The following RANBP9 variants were observed in gnomAD, a reference collection of about 807,000 sequenced individuals.
RANBP9 encodes RAN binding protein 9, also known as ran-binding protein 9.
Under a neutral mutation model 84.3 loss-of-function variants are expected in RANBP9, and 15 were observed. That is an observed-to-expected ratio of 0.18 (90% CI 0.12 to 0.27). The LOEUF (loss-of-function observed/expected upper bound fraction) is 0.27. RANBP9 is among the 10% of genes least tolerant of loss of function. The pLI is 1.00. For missense variants in RANBP9, 809 were observed against 912.8 expected, an observed-to-expected ratio of 0.89 and a Z score of 1.46; for synonymous variants, 392 against 349.6, an observed-to-expected ratio of 1.12 and a Z score of -1.35.
chr6:13,664,715 T>C (rs1029831832), intron 2 of RANBP9, among the ~76,000 whole-genome samples: 13 of 152,120 alleles, frequency 8.5e-5, no homozygotes, highest in African/African-American at 2.9e-4. Context: ...ATGAATGTAT[T>C]ATCACTGTAC....
At chr6:13,688,478 G>C (rs943390356) in intron 2 of RANBP9, among the ~76,000 whole-genome samples, 2 of 151,982 alleles carry the variant, frequency 1.3e-5, no homozygotes, top group African/African-American at 4.8e-5. Flanking sequence ...GTCTACTACT[G>C]TGTATCTCAT....
chr6:13,684,340 G>A (rs1388560250), intron 2 of RANBP9, among the ~76,000 whole-genome samples: 1 of 152,126 alleles, frequency 6.6e-6, no homozygotes, highest in Non-Finnish European at 1.5e-5. Context: ...ACTAAAAACA[G>A]CAATATATAA....
rs138865970 is a variant in RANBP9, at chr6:13,682,154, A to G, written c.683+14631T>C. The stretch of plus-strand genomic sequence containing the variant: ...TGGGATTACAGGCGTGAGCCACCGC[A>G]CCTGGGCCAAGTGCCTTCTTCAACA... On this transcript the variant is annotated intron_variant, in intron 2 of 13. Coordinates refer to ENST00000011619, the MANE Select transcript of RANBP9 (RefSeq NM_005493.3). 3.8e-3 allele frequency among the ~76,000 whole-genome samples: 577 copies of G among 151,802 alleles called. 4 individuals are homozygous for G. Among genetic ancestry groups the G allele is most frequent in the African/African-American group, 0.014 (562 of 41,180 alleles).
intron 2 of RANBP9, among the ~76,000 whole-genome samples, chr6:13,680,023 C>G (rs1765991532): frequency 1.3e-5 from 2 of 151,856 alleles, no homozygotes; most frequent in African/African-American, 4.8e-5. Flanking sequence ...AAGTAAAAGA[C>G]CCCACAAGAA....
chr6:13,689,262 C>T (rs72831038), intron 2 of RANBP9, among the ~76,000 whole-genome samples: 60,927 of 151,246 alleles, frequency 0.4, 12,750 homozygotes, highest in Admixed American at 0.51. Context: ...ATTCCATTCT[C>T]ACTTTTTTTC....
In RANBP9 at chr6:13,664,595, T is replaced by C. The variant is rs563764524; in HGVS notation, c.684-5763A>G. On this transcript the variant is annotated intron_variant, in intron 2 of 13. Transcript: ENST00000011619. ...GATGACTATAGTTCACAATATTCTA[T>C]TGCACATTTCAAAATAGCTAGAAGA... Among the ~76,000 whole-genome samples the C allele has an allele frequency of 2.2e-4, 33 of 152,208 alleles. No homozygotes were observed. In the South Asian group the frequency reaches 5.8e-3, roughly 27 times the overall value.
At chr6:13,636,531 G>A (rs1472474053) in intron 10 of RANBP9, among the ~76,000 whole-genome samples, 1 of 152,196 alleles carries the variant, frequency 6.6e-6, no homozygotes, top group Non-Finnish European at 1.5e-5. Context: ...TAGTATTCAA[G>A]AGAAAAACTC....
chr6:13,628,687 C>G (rs1406705021), intron 12 of RANBP9, among the ~76,000 whole-genome samples: 1 of 152,180 alleles, frequency 6.6e-6, no homozygotes, highest in Non-Finnish European at 1.5e-5. Flanking sequence ...TTGATTCTTT[C>G]TTCACAAAGG....
chr6:13,629,996 C>A (rs1313997954), intron 12 of RANBP9, among the ~76,000 whole-genome samples: 1 of 151,196 alleles, frequency 6.6e-6, no homozygotes, highest in Non-Finnish European at 1.5e-5. Context: ...AACCTAAAAA[C>A]GATGCTACAA....
intron 6 of RANBP9, among the ~76,000 whole-genome samples, chr6:13,644,230 TACAGA>T: frequency 6.6e-6 from 1 of 152,320 alleles, no homozygotes; most frequent in East Asian, 1.9e-4. Flanking sequence ...TTGTATAACC[TACAGA>T]AATCATTAAA....
Position 13,711,483 on chromosome 6 carries a change from G to T in RANBP9, c.23C>A (p.Pro8Gln). The change falls in exon 1 of 14, where the codon CCG becomes CAG. Residue 8 changes from proline to glutamine, a missense_variant. Pro to Gln is a moderately conservative substitution (Grantham distance 76). This residue lies in a region of RANBP9 where 302 missense variants were observed against 240.1 expected (regional missense o/e 1.26). Transcript: ENST00000011619. ...CTGCTGTTGCTGCTGCTGCGGCGGC[G>T]GCGGCGGCGGCTGCCCGGACATCCC... MSGQPPP[P>Q]PPQQQQQQQQ... 8.0e-7 allele frequency: 1 copy of T among 1,245,674 alleles called. No individual in the cohort carries two copies. Among genetic ancestry groups the T allele is most frequent in the Non-Finnish European group, 1.0e-6 (1 of 994,206 alleles). The allele number at this position is 1,245,674 out of a possible 1,614,324, so 77.2% of individuals were successfully genotyped here.
chr6:13,624,343 T>C (rs537519668), intron 13 of RANBP9, among the ~76,000 whole-genome samples: 1 of 152,286 alleles, frequency 6.6e-6, no homozygotes, highest in Admixed American at 6.5e-5. Flanking sequence ...TCTAAACTAC[T>C]CTTTAATCTA....
intron 10 of RANBP9, among the ~76,000 whole-genome samples, chr6:13,636,738 T>C (rs1041661185): frequency 2.6e-5 from 4 of 152,236 alleles, no homozygotes; most frequent in Non-Finnish European, 4.4e-5. Context: ...GCTCTTCTCA[T>C]ACACTTTTGT....
At chr6:13,683,351 T>A (rs1185407038) in intron 2 of RANBP9, among the ~76,000 whole-genome samples, 1 of 152,212 alleles carries the variant, frequency 6.6e-6, no homozygotes, top group Non-Finnish European at 1.5e-5. Flanking sequence ...TCTGAAAAAC[T>A]GAAATATGAT....
intron 4 of RANBP9, 25 bp downstream of exon 4, chr6:13,657,084 T>G (rs1290614585): frequency 1.3e-6 from 2 of 1,557,276 alleles, no homozygotes; most frequent in South Asian, 2.4e-5. Flanking sequence ...TTGGTTATTT[T>G]GCATGCAATA....
chr6:13,674,119 CAAGG>C (rs1765834621), intron 2 of RANBP9, among the ~76,000 whole-genome samples: 1 of 149,276 alleles, frequency 6.7e-6, no homozygotes, highest in Non-Finnish European at 1.5e-5. Flanking sequence ...AAATAAGCAA[CAAGG>C]AACAAGTATA....
At chr6:13,703,150 T>G (rs1561696974) in intron 1 of RANBP9, among the ~76,000 whole-genome samples, 2 of 152,146 alleles carry the variant, frequency 1.3e-5, no homozygotes, top group Non-Finnish European at 2.9e-5. Context: ...AGTTTTGGGA[T>G]TACAGGTGTG....
chr6:13,701,567 G>A (rs1198502733), intron 1 of RANBP9, among the ~76,000 whole-genome samples: 3 of 152,124 alleles, frequency 2.0e-5, no homozygotes, highest in African/African-American at 2.4e-5. Context: ...GAGGTCTGGA[G>A]TTCGAGACCA....
chr6:13,710,979 C>T lies in RANBP9; in HGVS notation c.527G>A (p.Ser176Asn). 6.2e-7 allele frequency: 1 copy of T among 1,610,304 alleles called. No homozygotes were observed. The highest frequency in any genetic ancestry group is 8.5e-7 in the Non-Finnish European group (1 of 1,178,500). Residue 176 changes from serine (S) to asparagine (N), a missense_variant, in exon 1 of 14, where the codon AGC becomes AAC. Transcript: ENST00000011619. ...PRSWSPKDKF[S>N]YIGLSQNNLR... Reference sequence around the variant, plus strand: ...GTTGTTCTGAGAGAGGCCGATGTAGCTGAACTTGTCCTTCGGGCTCCAGGA... The same window carrying T: ...GTTGTTCTGAGAGAGGCCGATGTAGTTGAACTTGTCCTTCGGGCTCCAGGA...
Sources: gnomAD v4.1 joint callset for allele counts (sites outside exome capture counted in the v4.1 genomes callset) on GRCh38, gnomAD v4.1.1 for gene constraint, gnomAD v4.1.1 regional missense constraint, MANE v1.5 for transcripts, NCBI Gene and HGNC (gene_info 2026-07-23, HGNC 2026-07-21) for gene names.